The following OPHN1 variants were observed in gnomAD, a reference collection of about 807,000 sequenced individuals.
OPHN1 encodes oligophrenin 1.
Under a neutral mutation model 60.7 loss-of-function variants are expected in OPHN1, and 11 were observed. The observed-to-expected ratio is 0.18, with a 90% confidence interval of 0.11 to 0.30. The LOEUF (loss-of-function observed/expected upper bound fraction) is 0.30. Ranked by LOEUF, OPHN1 falls within the 10% of genes least tolerant of loss-of-function variation. OPHN1 has a pLI of 1.00. For missense variants in OPHN1, 449 were observed against 611.0 expected, an observed-to-expected ratio of 0.73 and a Z score of 2.80; for synonymous variants, 226 against 222.6, an observed-to-expected ratio of 1.02 and a Z score of -0.14.
intron 3 of OPHN1, among the ~76,000 whole-genome samples, chrX:68,287,789 T>C (rs1019675970): frequency 8.0e-5 from 9 of 112,205 alleles, no homozygotes; most frequent in African/African-American, 2.9e-4. Context: ...AAACATGCAC[T>C]GTTTTGTTGC....
At chrX:68,190,735 A>G (rs1198123100) in intron 15 of OPHN1, among the ~76,000 whole-genome samples, 1 of 112,317 alleles carries the variant, frequency 8.9e-6, no homozygotes, top group East Asian at 2.8e-4. Context: ...AGAATTTTCA[A>G]TAGTTCAATA....
At chrX:68,115,446 A>G (rs1265323280) in intron 16 of OPHN1, among the ~76,000 whole-genome samples, 2 of 112,603 alleles carry the variant, frequency 1.8e-5, no homozygotes, top group African/African-American at 6.5e-5. Context: ...GAAAGCCCAT[A>G]AAGGAGATTG....
At chrX:68,406,920 G>A (rs959284330) in intron 2 of OPHN1, among the ~76,000 whole-genome samples, 2 of 112,303 alleles carry the variant, frequency 1.8e-5, no homozygotes, top group African/African-American at 3.2e-5. Flanking sequence ...AATAGATACT[G>A]GGGCCAGGCA....
Position 68,274,795 on chromosome X carries a change from A to G in OPHN1, c.327T>C (p.Ser109=). 8.3e-7 allele frequency: 1 copy of G among 1,201,943 alleles called. No homozygotes were observed. Among genetic ancestry groups the G allele is most frequent in the South Asian group, 1.8e-5 (1 of 56,687 alleles). Reference sequence around the variant, plus strand: ...TTTCCAAGGGTTTAATCAGCAAATCACTAGCATTGTGTACCTAGACAAAAA... The same window carrying G: ...TTTCCAAGGGTTTAATCAGCAAATCGCTAGCATTGTGTACCTAGACAAAAA... ...NERMMMVHNA[S]DLLIKPLENF... Residue 109 remains serine (S), a synonymous_variant, in exon 5 of 25, where the codon AGT becomes AGC. Transcript: ENST00000355520.
rs774869366 is a variant in OPHN1 at position 68,126,223 on chromosome X, T to C, written c.1277-6891A>G. 1.2e-4 allele frequency among the ~76,000 whole-genome samples: 13 copies of C among 109,691 alleles called. No homozygotes were observed. The East Asian group carries it at 3.8e-3, about 32-fold the overall frequency. On this transcript the variant is annotated intron_variant, in intron 15 of 24. Transcript: ENST00000355520. ...ATAAAAACCCTCAAAAATCTGGGTA[T>C]AGAAAAAGCATGGCCCTGCCCAAGG...
At chrX:68,426,615 C>T (rs1377087815) in intron 2 of OPHN1, among the ~76,000 whole-genome samples, 1 of 63,188 alleles carries the variant, frequency 1.6e-5, no homozygotes, top group Non-Finnish European at 3.4e-5. Context: ...ATAATGCCAA[C>T]ACTTTGGGAG....
In OPHN1 at chrX:68,186,346, G is replaced by C. The variant is rs2077462378; in HGVS notation, c.1276+6573C>G. Among the ~76,000 whole-genome samples, 4 of 110,491 alleles carry C rather than the reference G, an allele frequency of 3.6e-5. No homozygotes were observed. In the South Asian group the frequency reaches 1.6e-3, roughly 43 times the overall value. On this transcript the variant is annotated intron_variant, in intron 15 of 24. Coordinates refer to ENST00000355520, the MANE Select transcript of OPHN1 (RefSeq NM_002547.3). The stretch of plus-strand genomic sequence containing the variant: ...ATCTGCCTAACCTGGCTCAAAATGG[G>C]GGCTCTGGGGATCCTAGTATTACCA...
intron 2 of OPHN1, among the ~76,000 whole-genome samples, chrX:68,423,037 T>G: frequency 9.5e-6 from 1 of 105,722 alleles, no homozygotes; most frequent in Non-Finnish European, 1.9e-5. Context: ...TTTTTTTTTC[T>G]TTTTTTGAGA....
rs1247365715 is a variant in OPHN1, at chrX:68,425,809, A to ATT, written c.154+7056_154+7057dup. Among the ~76,000 whole-genome samples the ATT allele has an allele frequency of 9.0e-4, 19 of 21,174 alleles. 1 individual carries two copies. Among genetic ancestry groups the ATT allele is most frequent in the Non-Finnish European group, 1.5e-3 (12 of 8,137 alleles). The allele number at this position is 21,174 out of a possible 115,157, so 18.4% of individuals were successfully genotyped here. On this transcript the variant is annotated intron_variant, in intron 2 of 24. Transcript: ENST00000355520. The stretch of plus-strand genomic sequence containing the variant: ...GCTTGAGCCAATGCACCTGGACTGG[A>ATT]TTCTTTTTTTTTTTTTTTTTTTTTT...
At position 68,433,028 on chromosome X, in the gene OPHN1, A is replaced by C. The variant is rs780970263; in HGVS notation, c.-4-4T>G. 8.4e-7 allele frequency: 1 copy of C among 1,197,506 alleles called. No homozygotes were observed. Among genetic ancestry groups the C allele is most frequent in the Non-Finnish European group, 1.1e-6 (1 of 887,668 alleles). ...CAGCGGGGGATGACCCATGGTTCTG[A>C]TGGCCGGGAGTAGGGGGAAAGGGGA... On this transcript the variant is annotated splice_region_variant and splice_polypyrimidine_tract_variant and intron_variant, in intron 1 of 24. Coordinates refer to ENST00000355520, the MANE Select transcript of OPHN1 (RefSeq NM_002547.3).
At chrX:68,405,840 G>C (rs769157888) in intron 2 of OPHN1, among the ~76,000 whole-genome samples, 4 of 111,404 alleles carry the variant, frequency 3.6e-5, no homozygotes, top group Non-Finnish European at 5.6e-5. Context: ...GAAGCAACAA[G>C]ATATTATATA....
intron 2 of OPHN1, among the ~76,000 whole-genome samples, chrX:68,371,398 T>G (rs1282708589): frequency 9.1e-6 from 1 of 109,646 alleles, no homozygotes; most frequent in East Asian, 2.9e-4. Flanking sequence ...TTGTGTTTTT[T>G]TATAGAGACC....
At chrX:68,231,063 G>A (rs1013044421) in intron 6 of OPHN1, among the ~76,000 whole-genome samples, 3 of 111,265 alleles carry the variant, frequency 2.7e-5, no homozygotes, top group Non-Finnish European at 5.7e-5. Flanking sequence ...AGTGGCATCA[G>A]AAATAAAAGA....
intron 2 of OPHN1, among the ~76,000 whole-genome samples, chrX:68,379,491 C>A (rs989393575): frequency 9.6e-6 from 1 of 104,447 alleles, no homozygotes; most frequent in Non-Finnish European, 2.0e-5. Context: ...TGAGAGAGGG[C>A]ATCCCTGTCT....
At chrX:68,140,989 T>C (rs1410684568) in intron 15 of OPHN1, among the ~76,000 whole-genome samples, 1 of 111,830 alleles carries the variant, frequency 8.9e-6, no homozygotes, top group Non-Finnish European at 1.9e-5. Context: ...CTGCATACAC[T>C]ACCCTTCAAA....
chrX:68,089,535 T>C (rs977592604), intron 19 of OPHN1, among the ~76,000 whole-genome samples: 4 of 111,860 alleles, frequency 3.6e-5, no homozygotes, highest in African/African-American at 6.5e-5. Flanking sequence ...TATAGCACCA[T>C]GTCTGACACA....
chrX:68,115,522 A>C (rs2077123342), intron 16 of OPHN1, among the ~76,000 whole-genome samples: 1 of 112,438 alleles, frequency 8.9e-6, no homozygotes, highest in African/African-American at 3.2e-5. Context: ...CCAAAACAGA[A>C]GAAAGTATCA....
At chrX:68,168,128 G>C (rs1179214716) in intron 15 of OPHN1, among the ~76,000 whole-genome samples, 1 of 110,576 alleles carries the variant, frequency 9.0e-6, no homozygotes, top group African/African-American at 3.3e-5. Flanking sequence ...CCCAGGAATT[G>C]AACTCAGCTC....
At chrX:68,311,043 C>T (rs781708797) in intron 2 of OPHN1, among the ~76,000 whole-genome samples, 2 of 111,855 alleles carry the variant, frequency 1.8e-5, no homozygotes, top group African/African-American at 3.3e-5. Context: ...CTGCTTGAAA[C>T]CAAGAGTTCG....
Sources: allele counts gnomAD v4.1 joint callset (sites outside exome capture counted in the v4.1 genomes callset), GRCh38; gene constraint gnomAD v4.1.1; transcripts MANE v1.5; gene names NCBI Gene and HGNC (gene_info 2026-07-23, HGNC 2026-07-21).